Variants in PBX3 observed in about 807,000 individuals in gnomAD.
PBX3 encodes the protein PBX homeobox 3, also known as pre-B-cell leukemia transcription factor 3.
A neutral mutation model predicts 48.5 loss-of-function variants in PBX3; 14 were observed. The observed-to-expected ratio is 0.29, with a 90% CI of 0.19 to 0.45. The LOEUF is 0.45. PBX3 is among the 20% of genes least tolerant of loss of function. PBX3 has a pLI of 1.00. For missense variants in PBX3, 386 were observed against 546.7 expected (o/e 0.71, Z 2.93); for synonymous variants, 210 against 200.3 (o/e 1.05, Z -0.41).
intron 2 of PBX3, among the ~76,000 whole-genome samples, chr9:125,860,372 G>A (rs1460975356): frequency 2.0e-5 from 3 of 152,220 alleles, no homozygotes; most frequent in Non-Finnish European, 2.9e-5. Flanking sequence ...AGAGGGAGAG[G>A]AGAGTTGGAT....
At chr9:125,783,649 C>G (rs1414543111) in intron 2 of PBX3, among the ~76,000 whole-genome samples, 2 of 152,142 alleles carry the variant, frequency 1.3e-5, no homozygotes, top group African/African-American at 4.8e-5. Flanking sequence ...CATCATTCTC[C>G]TGGTTTCTTT....
chr9:125,823,824 C>G (rs1381252842), intron 2 of PBX3, among the ~76,000 whole-genome samples: 1 of 151,958 alleles, frequency 6.6e-6, no homozygotes, highest in Non-Finnish European at 1.5e-5. Context: ...GTCTGTAATC[C>G]CAGCACTTTG....
intron 5 of PBX3, among the ~76,000 whole-genome samples, chr9:125,954,852 T>G (rs2041943): frequency 0.59 from 89,563 of 152,108 alleles, 29,437 homozygotes; most frequent in East Asian, 0.77. Flanking sequence ...ATTTTTTAAA[T>G]GGATAATGGG....
At chr9:125,855,729 A>G (rs1379436079) in intron 2 of PBX3, among the ~76,000 whole-genome samples, 1 of 152,152 alleles carries the variant, frequency 6.6e-6, no homozygotes, top group African/African-American at 2.4e-5. Context: ...CTAGAACCAA[A>G]TGAGGGCAAT....
At chr9:125,844,326 C>CA (rs917366219) in intron 2 of PBX3, among the ~76,000 whole-genome samples, 3 of 121,036 alleles carry the variant, frequency 2.5e-5, no homozygotes, top group African/African-American at 6.2e-5. Flanking sequence ...GATTTAAAAA[C>CA]AAAAAAAATC....
intron 2 of PBX3, among the ~76,000 whole-genome samples, chr9:125,772,586 G>A (rs1317048663): frequency 6.6e-6 from 1 of 152,220 alleles, no homozygotes; most frequent in African/African-American, 2.4e-5. Flanking sequence ...ACTTTGACAA[G>A]TCACCTAATT....
chr9:125,891,381 C>A (rs893833409), intron 2 of PBX3, among the ~76,000 whole-genome samples: 3 of 152,100 alleles, frequency 2.0e-5, no homozygotes, highest in African/African-American at 7.2e-5. Flanking sequence ...GATATCTGAC[C>A]ATTTGTGACT....
chr9:125,871,908 G>T (rs775421735), intron 2 of PBX3, among the ~76,000 whole-genome samples: 2 of 152,176 alleles, frequency 1.3e-5, no homozygotes, highest in Non-Finnish European at 2.9e-5. Context: ...TGTATTTCTA[G>T]ACCTAGGTAG....
intron 2 of PBX3, among the ~76,000 whole-genome samples, chr9:125,782,981 A>G (rs1564652548): frequency 6.6e-6 from 1 of 152,088 alleles, no homozygotes; most frequent in Non-Finnish European, 1.5e-5. Flanking sequence ...TGTTTTCAAG[A>G]TTCTGTTTCT....
chr9:125,781,507 A>G (rs1027192381), intron 2 of PBX3, among the ~76,000 whole-genome samples: 2 of 133,608 alleles, frequency 1.5e-5, no homozygotes, highest in Non-Finnish European at 3.1e-5. Context: ...GAGGGAGACC[A>G]TGGAAAGAGA....
chr9:125,858,087 G>T (rs1385916966), intron 2 of PBX3, among the ~76,000 whole-genome samples: 1 of 152,134 alleles, frequency 6.6e-6, no homozygotes, highest in East Asian at 1.9e-4. Flanking sequence ...ATTAAGGCTG[G>T]GTGTGGTGGC....
At chr9:125,946,121 A>G (rs529405317) in intron 5 of PBX3, among the ~76,000 whole-genome samples, 1 of 152,322 alleles carries the variant, frequency 6.6e-6, no homozygotes, top group African/African-American at 2.4e-5. Context: ...TTAGGGCTAC[A>G]TCTTAGCAGT....
chr9:125,793,366 A>ATATACATAT (rs1554855766), intron 2 of PBX3, among the ~76,000 whole-genome samples: 1 of 101,976 alleles, frequency 9.8e-6, no homozygotes, highest in East Asian at 3.1e-4. Context: ...GGAAAAAAAA[A>ATATACATAT]ATATATATAT....
At chr9:125,772,073 T>C (rs1041571483) in intron 2 of PBX3, among the ~76,000 whole-genome samples, 1 of 152,232 alleles carries the variant, frequency 6.6e-6, no homozygotes, top group Non-Finnish European at 1.5e-5. Flanking sequence ...ATTTGAAGCA[T>C]GTACTGCCTA....
At chr9:125,862,344 A>T (rs923220632) in intron 2 of PBX3, among the ~76,000 whole-genome samples, 2 of 152,182 alleles carry the variant, frequency 1.3e-5, no homozygotes, top group African/African-American at 2.4e-5. Context: ...ATCAAAATTT[A>T]TGGAATGAGT....
chr9:125,931,426 C>T (rs1332776665), intron 4 of PBX3, among the ~76,000 whole-genome samples: 2 of 152,026 alleles, frequency 1.3e-5, no homozygotes, highest in South Asian at 2.1e-4. Flanking sequence ...CTTCTGCCTC[C>T]CGAGTAGCTG....
intron 5 of PBX3, among the ~76,000 whole-genome samples, chr9:125,946,782 A>G (rs1842073802): frequency 6.6e-6 from 1 of 152,200 alleles, no homozygotes; most frequent in Non-Finnish European, 1.5e-5. Flanking sequence ...AAATGTGAGA[A>G]TGGGTCAGAA....
chr9:125,960,894 T>A, intron 6 of PBX3, 45 bp downstream of exon 6: 1 of 1,587,214 alleles, frequency 6.3e-7, no homozygotes, highest in Non-Finnish European at 8.6e-7. Context: ...GGCAGCCTTA[T>A]GCCACAATGC....
chr9:125,928,268 A>T (rs187766161), intron 3 of PBX3, among the ~76,000 whole-genome samples: 41 of 152,098 alleles, frequency 2.7e-4, no homozygotes, highest in Non-Finnish European at 4.7e-4. Flanking sequence ...CGTCACAGCT[A>T]CTTGGGAAGC....
Sources: gnomAD v4.1 joint callset for allele counts (sites outside exome capture counted in the v4.1 genomes callset) on GRCh38, gnomAD v4.1.1 for gene constraint, MANE v1.5 for transcripts, NCBI Gene and HGNC (gene_info 2026-07-23, HGNC 2026-07-21) for gene names.